Variants in IGSF21 observed in about 807,000 individuals in gnomAD.
The protein encoded by IGSF21 is immunoglobulin superfamily member 21.
In IGSF21, 28 loss-of-function variants were observed where a neutral mutation model predicts 46.8. The observed-to-expected ratio is 0.60, with a 90% CI of 0.44 to 0.82. IGSF21 has a LOEUF of 0.82. IGSF21 is among the 40% of genes least tolerant of loss of function. The pLI is 0.00. For synonymous variants in IGSF21, 284 were observed against 273.6 expected, an observed-to-expected ratio of 1.04 and a Z score of -0.38; for missense variants, 624 against 665.5, an observed-to-expected ratio of 0.94 and a Z score of 0.69.
chr1:18,179,918 C>G (rs200174574), intron 1 of IGSF21, among the ~76,000 whole-genome samples: 2 of 152,240 alleles, frequency 1.3e-5, no homozygotes, highest in East Asian at 3.8e-4. Context: ...AGCCTCCAAG[C>G]AAAAGGAAAA....
chr1:18,287,871 T>C (rs1378931693), intron 2 of IGSF21, among the ~76,000 whole-genome samples: 1 of 152,212 alleles, frequency 6.6e-6, no homozygotes, highest in Admixed American at 6.5e-5. Flanking sequence ...TTCTTTCATT[T>C]ACTGAATTCC....
chr1:18,233,078 C>G (rs1423361844), intron 2 of IGSF21, among the ~76,000 whole-genome samples: 1 of 152,154 alleles, frequency 6.6e-6, no homozygotes, highest in Non-Finnish European at 1.5e-5. Flanking sequence ...GGAGTTTAAC[C>G]TTTTACAGCA....
At chr1:18,227,777 T>C in intron 1 of IGSF21, 121 bp from the exon 2 acceptor site, 1 of 699,444 alleles carries the variant, frequency 1.4e-6, no homozygotes, top group Non-Finnish European at 2.6e-6. Flanking sequence ...CCCTCAAAGT[T>C]GTGCAACTAC....
intron 4 of IGSF21, among the ~76,000 whole-genome samples, chr1:18,336,443 A>G (rs1273107135): frequency 2.0e-5 from 3 of 152,216 alleles, no homozygotes; most frequent in Non-Finnish European, 4.4e-5. Flanking sequence ...GCAGAAATGG[A>G]TCACAGAGAA....
intron 4 of IGSF21, among the ~76,000 whole-genome samples, chr1:18,338,623 T>C (rs1317990606): frequency 6.6e-6 from 1 of 152,094 alleles, no homozygotes; most frequent in Non-Finnish European, 1.5e-5. Flanking sequence ...TCCAGCACAT[T>C]CTAACGCGGC....
intron 3 of IGSF21, among the ~76,000 whole-genome samples, chr1:18,327,820 C>T (rs2085672365): frequency 1.3e-5 from 2 of 152,100 alleles, no homozygotes; most frequent in South Asian, 2.1e-4. Context: ...GGTCTCAATA[C>T]ATTGAAACTT....
chr1:18,364,151 A>G (rs2086133922), intron 5 of IGSF21, among the ~76,000 whole-genome samples: 2 of 152,128 alleles, frequency 1.3e-5, no homozygotes, highest in Admixed American at 6.5e-5. Flanking sequence ...AGATATAGAC[A>G]TGCAAAAGAA....
chr1:18,371,033 AT>A (rs2086218652), intron 6 of IGSF21, among the ~76,000 whole-genome samples: 3 of 152,224 alleles, frequency 2.0e-5, no homozygotes, highest in Admixed American at 1.3e-4. Context: ...AAAGATAAAA[AT>A]ATTTCTGTTC....
rs572291978 is a variant in IGSF21 at position 18,183,060 on chromosome 1, C to T, written c.71-44838C>T. On this transcript the variant is annotated intron_variant, in intron 1 of 9. Coordinates refer to ENST00000251296, the MANE Select transcript of IGSF21 (RefSeq NM_032880.5). ...GCCCCCTCCTGGGCCTGGCTGCCCT[C>T]GCCTCTGTAATATCCTTTTTCTAAT... 5.3e-5 allele frequency among the ~76,000 whole-genome samples: 8 copies of T among 152,296 alleles called. No individual in the cohort carries two copies. The South Asian group carries it at 1.0e-3, about 20-fold the overall frequency.
At chr1:18,164,173 T>C (rs2086656004) in intron 1 of IGSF21, among the ~76,000 whole-genome samples, 1 of 152,180 alleles carries the variant, frequency 6.6e-6, no homozygotes, top group East Asian at 1.9e-4. Context: ...AACTGAGGCA[T>C]AGGCAAGGTA....
intron 1 of IGSF21, among the ~76,000 whole-genome samples, chr1:18,128,392 T>C (rs1248562672): frequency 6.6e-6 from 1 of 152,146 alleles, no homozygotes; most frequent in Admixed American, 6.5e-5. Context: ...GCAGGAAAAG[T>C]CTGGCTCAGC....
intron 3 of IGSF21, among the ~76,000 whole-genome samples, chr1:18,295,369 G>A (rs1328502244): frequency 6.6e-6 from 1 of 152,230 alleles, no homozygotes. Flanking sequence ...CTTGGTGGAA[G>A]GTGCCCAGGG....
At chr1:18,183,913 CAAGTA>C (rs1557576774) in intron 1 of IGSF21, among the ~76,000 whole-genome samples, 1 of 152,100 alleles carries the variant, frequency 6.6e-6, no homozygotes, top group African/African-American at 2.4e-5. Context: ...TTGGCTAAAG[CAAGTA>C]ACATGACAAA....
At chr1:18,182,049 G>A (rs1324958887) in intron 1 of IGSF21, among the ~76,000 whole-genome samples, 2 of 152,150 alleles carry the variant, frequency 1.3e-5, no homozygotes, top group East Asian at 3.9e-4. Context: ...CCATTTGTTA[G>A]CCTTTAAATG....
Position 18,334,798 on chromosome 1 carries a change from G to T in IGSF21, c.306-94G>T. ...CACAGGCCTGTGTTTGTTAGTGGAGGCTGCACCAGTGGGCATCAGGATGAG... is the reference window on the plus strand; with the variant it reads ...CACAGGCCTGTGTTTGTTAGTGGAGTCTGCACCAGTGGGCATCAGGATGAG... On this transcript the variant is annotated intron_variant, in intron 3 of 9. Coordinates refer to ENST00000251296, the MANE Select transcript of IGSF21 (RefSeq NM_032880.5). The surrounding 1 kb of genome is among the most constrained non-coding windows in gnomAD (Gnocchi z 4.3). The T allele has an allele frequency of 1.2e-6, 1 of 862,246 alleles. No individual in the cohort carries two copies. The highest frequency in any genetic ancestry group is 2.0e-6 in the Non-Finnish European group (1 of 511,122). The allele number at this position is 862,246 out of a possible 1,614,324, so 53.4% of individuals were successfully genotyped here.
intron 3 of IGSF21, among the ~76,000 whole-genome samples, chr1:18,299,013 C>G (rs1300515635): frequency 6.6e-6 from 1 of 152,152 alleles, no homozygotes; most frequent in African/African-American, 2.4e-5. Flanking sequence ...ATAAAGTGAT[C>G]GCTGTCATAG....
At chr1:18,310,456 T>C (rs1377352151) in intron 3 of IGSF21, among the ~76,000 whole-genome samples, 1 of 152,252 alleles carries the variant, frequency 6.6e-6, no homozygotes, top group African/African-American at 2.4e-5. Flanking sequence ...TACGTAGTAC[T>C]CCACTGCGTG....
chr1:18,371,414 A>G (rs1051749794), intron 6 of IGSF21, among the ~76,000 whole-genome samples: 1 of 152,116 alleles, frequency 6.6e-6, no homozygotes, highest in African/African-American at 2.4e-5. Flanking sequence ...TCTACTGAAA[A>G]TACAAAAATT....
chr1:18,372,979 GTAC>G (rs1432594753), intron 6 of IGSF21, among the ~76,000 whole-genome samples: 1 of 152,172 alleles, frequency 6.6e-6, no homozygotes, highest in Non-Finnish European at 1.5e-5. Flanking sequence ...AGATTCCACA[GTAC>G]TATCCTTGCA....
Sources: allele counts gnomAD v4.1 joint callset (sites outside exome capture counted in the v4.1 genomes callset), GRCh38; gene constraint gnomAD v4.1.1; non-coding constraint Gnocchi (gnomAD v3.1); transcripts MANE v1.5; gene names NCBI Gene and HGNC (gene_info 2026-07-23, HGNC 2026-07-21).